The following PIMREG variants were observed in gnomAD, a reference collection of about 807,000 sequenced individuals.
PIMREG encodes the protein PICALM interacting mitotic regulator.
PIMREG carries 19 observed loss-of-function variants against 24.3 expected under a neutral mutation model. The ratio of observed to expected loss-of-function variants is 0.78; its 90% CI spans 0.54 to 1.15. PIMREG has a LOEUF of 1.15. Ranked by LOEUF, PIMREG falls within the 50% of genes most tolerant of loss-of-function variation. The probability of loss-of-function intolerance (pLI) is 0.00; values close to 1 mark genes in which losing one functional copy is unlikely to be tolerated. For synonymous variants in PIMREG, 112 were observed against 124.1 expected, an observed-to-expected ratio of 0.90 and a Z score of 0.65; for missense variants, 283 against 306.8, an observed-to-expected ratio of 0.92 and a Z score of 0.58.
rs1913513768 is a variant in PIMREG at position 6,444,967 on chromosome 17, C to T, written c.-35-109C>T. 1.1e-6 allele frequency: 1 copy of T among 888,798 alleles called. No homozygotes were observed. The highest frequency in any genetic ancestry group is 3.5e-4 in the Middle Eastern group (1 of 2,876). The allele number at this position is 888,798 out of a possible 1,614,324, so 55.1% of individuals were successfully genotyped here. A position where few individuals can be genotyped will look rare whatever the true frequency, so the allele number is the denominator to read the frequency against. ...CCCACACTTACCAACTCGCCCGCCC[C>T]CGCCACCCCGCTGCATCCCGTCTCT... is the stretch of plus-strand genomic sequence containing the variant. On this transcript the variant is annotated intron_variant, in intron 1 of 5. Coordinates refer to ENST00000572447, the MANE Select transcript of PIMREG (RefSeq NM_019013.3). This position sits in a 1 kb window ranked among gnomAD's most constrained non-coding sequence, Gnocchi z 4.3.
rs781624073 is a variant in PIMREG at position 6,449,345 on chromosome 17, G to A, written c.624G>A (p.Ala208=). ...ESDSDLEPVG[A]GIQHLQKLSQ... ...ACAGTGACCTAGAGCCTGTGGGGGCGGGAATTCAGCATCTCCAGAAGCTGT... is the reference window on the plus strand; with the variant it reads ...ACAGTGACCTAGAGCCTGTGGGGGCAGGAATTCAGCATCTCCAGAAGCTGT... Residue 208 remains alanine (A), a synonymous_variant, in exon 4 of 6, where the codon GCG becomes GCA. Transcript: ENST00000572447. 144 of 1,613,168 alleles carry A rather than the reference G, an allele frequency of 8.9e-5. No individual in the cohort carries two copies. The highest frequency in any genetic ancestry group is 1.1e-4 in the Non-Finnish European group (132 of 1,179,618).
In PIMREG at chr17:6,447,634, T is replaced by C. The variant is rs1913634031; in HGVS notation, c.466T>C (p.Trp156Arg). 4 of 1,613,476 alleles carry C rather than the reference T, an allele frequency of 2.5e-6. No individual in the cohort carries two copies. Among genetic ancestry groups the C allele is most frequent in the Admixed American group, 1.7e-5 (1 of 59,990 alleles). The stretch of plus-strand genomic sequence containing the variant: ...CCCTGCCCACTCAGCCGCAGACCCC[T>C]GGGAGAAGGAGCATCACCGCCTCTC... Reference protein sequence around the residue: ...AAPAHSAADPWEKEHHRLSVR... With the variant: ...AAPAHSAADPREKEHHRLSVR... The change falls in exon 3 of 6, where the codon TGG becomes CGG. Residue 156 changes from tryptophan (W) to arginine (R), a missense_variant. By Grantham distance (101) the Trp-to-Arg change is moderately radical. Transcript: ENST00000572447.
chr17:6,445,785 G>C (rs1426504139), intron 2 of PIMREG, among the ~76,000 whole-genome samples: 1 of 152,210 alleles, frequency 6.6e-6, no homozygotes, highest in East Asian at 1.9e-4. Context: ...ATTTAGGGTA[G>C]GGGAAATAGT....
chr17:6,444,959 GCCCGCC>G lies in PIMREG; in HGVS notation c.-35-110_-35-105del. 1 of 743,248 alleles carries G rather than the reference GCCCGCC, an allele frequency of 1.3e-6. No individual in the cohort carries two copies. The highest frequency in any genetic ancestry group is 2.0e-6 in the Non-Finnish European group (1 of 494,870). 46.0% of individuals were successfully genotyped at this position (743,248 alleles called of 1,614,324 possible). On this transcript the variant is annotated intron_variant, in intron 1 of 5. Transcript: ENST00000572447. This position sits in a 1 kb window ranked among gnomAD's most constrained non-coding sequence, Gnocchi z 4.3. ...TTCCTGCACCCACACTTACCAACTC[GCCCGCC>G]CCCGCCACCCCGCTGCATCCCGTCT...
chr17:6,448,982 A>G (rs1913697466), intron 3 of PIMREG, among the ~76,000 whole-genome samples: 1 of 152,208 alleles, frequency 6.6e-6, no homozygotes, highest in Admixed American at 6.5e-5. Flanking sequence ...CTCTGTCCGT[A>G]AAGGAAGAGC....
Position 6,450,449 on chromosome 17 carries a change from C to T in PIMREG, c.*102C>T, listed in dbSNP as rs745569386. ...CTTCCTGGAAAAAACCCCCGGGAGT[C>T]GTCAGTACCCCTGGGCCACTGCTAA... is the stretch of plus-strand genomic sequence containing the variant. On this transcript the variant is annotated 3_prime_UTR_variant, in exon 6 of 6. Transcript: ENST00000572447. 2.2e-5 allele frequency: 34 copies of T among 1,549,044 alleles called. No homozygotes were observed. Among genetic ancestry groups the T allele is most frequent in the African/African-American group, 2.7e-5 (2 of 73,694 alleles).
chr17:6,447,316 A>G, intron 2 of PIMREG, 147 bp from the exon 3 acceptor site: 2 of 847,394 alleles, frequency 2.4e-6, no homozygotes, highest in East Asian at 2.5e-5. Flanking sequence ...GGGTTACACC[A>G]TGTTGGCCAG....
chr17:6,449,370 T>A lies in PIMREG; in HGVS notation c.649T>A (p.Ser217Thr). The A allele has an allele frequency of 6.2e-7, 1 of 1,613,690 alleles. No individual in the cohort carries two copies. The highest frequency in any genetic ancestry group is 8.5e-7 in the Non-Finnish European group (1 of 1,179,806). The change falls in exon 4 of 6, where the codon TCC becomes ACC. Residue 217 changes from serine (S) to threonine (T), a missense_variant. Ser to Thr is a moderately conservative substitution (Grantham distance 58, BLOSUM62 1). Transcript: ENST00000572447. ...GGGAATTCAGCATCTCCAGAAGCTG[T>A]CCCAAGAGCTAGATGAAGCCATTAT... The part of the protein sequence containing the change: ...GAGIQHLQKL[S>T]QELDEAIMAE...
intron 3 of PIMREG, 128 bp downstream of exon 3, chr17:6,447,886 C>CCA: frequency 8.0e-6 from 7 of 876,172 alleles, no homozygotes; most frequent in Non-Finnish European, 1.2e-5. Context: ...CTACCTGGAG[C>CCA]CAGGGGCACC....
At chr17:6,447,390 A>T (rs1293332951) in intron 2 of PIMREG, 73 bp from the exon 3 acceptor site, 7 of 1,519,880 alleles carry the variant, frequency 4.6e-6, no homozygotes, top group Non-Finnish European at 6.3e-6. Flanking sequence ...TACTGGGATT[A>T]TAGGCGTGAG....
At chr17:6,450,136 T>A in intron 5 of PIMREG, 64 bp downstream of exon 5, 1 of 1,556,802 alleles carries the variant, frequency 6.4e-7, no homozygotes, top group Non-Finnish European at 8.9e-7. Context: ...CATGAGCAAG[T>A]TAAAGAAAAA....
chr17:6,447,318 G>C, intron 2 of PIMREG, 145 bp from the exon 3 acceptor site: 1 of 865,138 alleles, frequency 1.2e-6, no homozygotes. Context: ...GTTACACCAT[G>C]TTGGCCAGGC....
At chr17:6,447,889 G>A in intron 3 of PIMREG, 131 bp downstream of exon 3, 1 of 860,390 alleles carries the variant, frequency 1.2e-6, no homozygotes, top group Non-Finnish European at 1.8e-6. Context: ...CCTGGAGCCA[G>A]GGGCACCCTG....
At chr17:6,446,223 T>G (rs1913566043) in intron 2 of PIMREG, 2 of 400,998 alleles carry the variant, frequency 5.0e-6, no homozygotes, top group Non-Finnish European at 8.8e-6. Context: ...GATGCATCTT[T>G]AAACCCAGAG....
rs753500897 is a variant in PIMREG at position 6,449,392 on chromosome 17, T to C, written c.671T>C (p.Ile224Thr). ...CTGTCCCAAGAGCTAGATGAAGCCA[T>C]TATGGCGGAAGAGAGGTGAGTTGGC... Reference protein sequence around the residue: ...QKLSQELDEAIMAEESGDIVS... With the variant: ...QKLSQELDEATMAEESGDIVS... The change falls in exon 4 of 6, where the codon ATT becomes ACT. Residue 224 changes from isoleucine to threonine, a missense_variant. Ile to Thr is a moderately conservative substitution (Grantham distance 89). Transcript: ENST00000572447. The C allele has an allele frequency of 1.4e-5, 22 of 1,613,248 alleles. No homozygotes were observed. The highest frequency in any genetic ancestry group is 1.9e-5 in the Non-Finnish European group (22 of 1,179,668).
At position 6,449,319 on chromosome 17, in the gene PIMREG, G is replaced by A; in HGVS notation, c.598G>A (p.Asp200Asn). 6.2e-7 allele frequency: 1 copy of A among 1,610,514 alleles called. No homozygotes were observed. The highest frequency in any genetic ancestry group is 8.5e-7 in the Non-Finnish European group (1 of 1,178,796). Residue 200 changes from aspartate to asparagine, a missense_variant, in exon 4 of 6, where the codon GAC (aspartate) becomes AAC (asparagine). Physicochemically the swap from Asp to Asn is conservative, Grantham distance 23. Coordinates refer to ENST00000572447, the MANE Select transcript of PIMREG (RefSeq NM_019013.3). ...TEPLCSPSES[D>N]SDLEPVGAGI... ...GCTTTTTCTTTCATGCAGCGAGTCT[G>A]ACAGTGACCTAGAGCCTGTGGGGGC...
rs1218176839 is a variant in PIMREG, at chr17:6,445,356, C to T, written c.246C>T (p.Leu82=). 1 of 1,613,940 alleles carries T rather than the reference C, an allele frequency of 6.2e-7. No homozygotes were observed. Among genetic ancestry groups the T allele is most frequent in the African/African-American group, 1.3e-5 (1 of 74,920 alleles). The change falls in exon 2 of 6, where the codon CTC becomes CTT. Residue 82 remains leucine, a synonymous_variant. Coordinates refer to ENST00000572447, the MANE Select transcript of PIMREG (RefSeq NM_019013.3). ...CCCCAGAGCCAGGTCAGCAGGGCCT[C>T]CAGGCTGCAGCTCGCTCAGCTAAGA... ...LETPEPGQQG[L]QAAARSAKSA...
At position 6,447,530 on chromosome 17, in the gene PIMREG, G is replaced by A. The variant is rs757103421; in HGVS notation, c.362G>A (p.Arg121Gln). 40 of 1,614,058 alleles carry A rather than the reference G, an allele frequency of 2.5e-5. No homozygotes were observed. The highest frequency in any genetic ancestry group is 1.1e-4 in the East Asian group (5 of 44,896). ...GAGACCCAGGTGAAGGCCAGGAGGC[G>A]GAAGAGAGGAGCACAGAAGGGCAGT... is the stretch of plus-strand genomic sequence containing the variant. ...LVETQVKARR[R>Q]KRGAQKGSGS... The change falls in exon 3 of 6, where the codon CGG (arginine) becomes CAG (glutamine). Residue 121 changes from arginine to glutamine, a missense_variant. Coordinates refer to ENST00000572447, the MANE Select transcript of PIMREG (RefSeq NM_019013.3).
chr17:6,445,339 C>T lies in PIMREG; in HGVS notation c.229C>T (p.Pro77Ser), dbSNP rs553078680. ...CTGGAAACGCCTGGAAACCCCAGAG[C>T]CAGGTCAGCAGGGCCTCCAGGCTGC... ...PSWKRLETPEPGQQGLQAAAR... is the reference protein window; with the variant it reads ...PSWKRLETPESGQQGLQAAAR... The change falls in exon 2 of 6, where the codon CCA (proline) becomes TCA (serine). Residue 77 changes from proline (P) to serine (S), a missense_variant. By Grantham distance (74) the Pro-to-Ser change is moderately conservative (BLOSUM62 -1). Transcript: ENST00000572447. The T allele has an allele frequency of 6.2e-7, 1 of 1,614,146 alleles. No individual in the cohort carries two copies. Among genetic ancestry groups the T allele is most frequent in the African/African-American group, 1.3e-5 (1 of 75,046 alleles).
Sources: allele counts gnomAD v4.1 joint callset (sites outside exome capture counted in the v4.1 genomes callset), GRCh38; gene constraint gnomAD v4.1.1; non-coding constraint Gnocchi (gnomAD v3.1); transcripts MANE v1.5; gene names NCBI Gene and HGNC (gene_info 2026-07-23, HGNC 2026-07-21).